The following SUGCT variants were observed in gnomAD, a reference collection of about 807,000 sequenced individuals.
The protein encoded by SUGCT is succinyl-CoA:glutarate-CoA transferase, also known as succinyl-CoA:glutarate CoA-transferase.
In SUGCT, 41 loss-of-function variants were observed where a neutral mutation model predicts 55.0. The ratio of observed to expected loss-of-function variants is 0.74; its 90% CI spans 0.58 to 0.97. The LOEUF is 0.97. SUGCT is among the 50% of genes least tolerant of loss of function. SUGCT has a pLI of 0.00. For missense variants in SUGCT, 568 were observed against 547.8 expected (o/e 1.04, Z -0.37); for synonymous variants, 187 against 200.4 (o/e 0.93, Z 0.56).
the SUGCT span, among the ~76,000 whole-genome samples, chr7:40,881,396 G>T: frequency 1.3e-5 from 2 of 151,884 alleles, no homozygotes; most frequent in Non-Finnish European, 2.9e-5. Flanking sequence ...TTCTTCTGGG[G>T]ACTCAATGAT....
chr7:40,166,639 C>G (rs1278571500), intron 1 of SUGCT, among the ~76,000 whole-genome samples: 3 of 152,158 alleles, frequency 2.0e-5, no homozygotes, highest in Admixed American at 6.5e-5. Flanking sequence ...GTAATCCCAG[C>G]ATTTTGGGAG....
intron 12 of SUGCT, among the ~76,000 whole-genome samples, chr7:40,591,285 A>T (rs1470769277): frequency 6.6e-6 from 1 of 152,218 alleles, no homozygotes; most frequent in East Asian, 1.9e-4. Flanking sequence ...TAGAGGAAGT[A>T]ACTGCAGATG....
chr7:40,768,921 G>A (rs773698953), intron 13 of SUGCT, among the ~76,000 whole-genome samples: 1 of 152,162 alleles, frequency 6.6e-6, no homozygotes, highest in Non-Finnish European at 1.5e-5. Context: ...CCTGCAGGGC[G>A]AGGCAGCTTG....
At chr7:40,280,960 G>A (rs1792912285) in intron 8 of SUGCT, among the ~76,000 whole-genome samples, 1 of 152,022 alleles carries the variant, frequency 6.6e-6, no homozygotes, top group South Asian at 2.1e-4. Flanking sequence ...TTAAAAGAAG[G>A]GGCCCATTAT....
intron 3 of SUGCT, among the ~76,000 whole-genome samples, chr7:40,185,634 T>C (rs1314896218): frequency 6.6e-6 from 1 of 152,208 alleles, no homozygotes; most frequent in Non-Finnish European, 1.5e-5. Context: ...ATGATTCTCC[T>C]GCCTCAGCTT....
At chr7:40,368,377 T>G (rs1040341080) in intron 9 of SUGCT, among the ~76,000 whole-genome samples, 3 of 152,014 alleles carry the variant, frequency 2.0e-5, no homozygotes, top group African/African-American at 7.2e-5. Flanking sequence ...TTTTGTATTT[T>G]TAGTAGAGAT....
chr7:40,737,031 A>G (rs1303859018), intron 12 of SUGCT, among the ~76,000 whole-genome samples: 1 of 152,168 alleles, frequency 6.6e-6, no homozygotes, highest in Non-Finnish European at 1.5e-5. Context: ...AGAAAACCAA[A>G]ATGCTGAACC....
chr7:40,768,429 C>T (rs1015783674), intron 13 of SUGCT, among the ~76,000 whole-genome samples: 6 of 152,118 alleles, frequency 3.9e-5, no homozygotes, highest in African/African-American at 1.2e-4. Context: ...TGTTTCAACT[C>T]GCCTTGGCCA....
chr7:40,235,802 T>C (rs926641227), intron 6 of SUGCT, among the ~76,000 whole-genome samples: 1 of 152,186 alleles, frequency 6.6e-6, no homozygotes, highest in Non-Finnish European at 1.5e-5. Context: ...GTATTGTGTT[T>C]CTATTGTGAT....
chr7:40,744,164 G>T (rs1296732325), intron 12 of SUGCT, among the ~76,000 whole-genome samples: 1 of 151,850 alleles, frequency 6.6e-6, no homozygotes, highest in African/African-American at 2.4e-5. Flanking sequence ...CTGAACTCAG[G>T]TGATCCACCT....
chr7:40,659,309 T>C (rs1441162779), intron 12 of SUGCT, among the ~76,000 whole-genome samples: 3 of 152,166 alleles, frequency 2.0e-5, no homozygotes, highest in Non-Finnish European at 4.4e-5. Context: ...GAAGGTTTTA[T>C]TGGGGCTGGA....
intron 9 of SUGCT, among the ~76,000 whole-genome samples, chr7:40,444,519 CTGTT>C (rs1440760068): frequency 4.6e-5 from 7 of 152,028 alleles, no homozygotes; most frequent in South Asian, 4.1e-4. Flanking sequence ...ATTTGGCTCT[CTGTT>C]TGTCTGTTAT....
chr7:40,295,463 C>G (rs558774454), intron 8 of SUGCT, among the ~76,000 whole-genome samples: 2 of 152,288 alleles, frequency 1.3e-5, no homozygotes, highest in East Asian at 3.9e-4. Context: ...GTAATCCTAG[C>G]TACTGGGGTA....
chr7:40,890,781 A>G, the SUGCT span, among the ~76,000 whole-genome samples: 2 of 152,150 alleles, frequency 1.3e-5, no homozygotes, highest in Non-Finnish European at 2.9e-5. Flanking sequence ...AAAACATAAC[A>G]CCAACAAAGG....
chr7:40,290,548 A>T (rs1026872002), intron 8 of SUGCT, among the ~76,000 whole-genome samples: 2 of 152,220 alleles, frequency 1.3e-5, no homozygotes, highest in African/African-American at 4.8e-5. Flanking sequence ...AAACCATAAA[A>T]ACCCTAGAAG....
intron 13 of SUGCT, chr7:40,785,171 T>C (rs1312604232): frequency 2.0e-5 from 3 of 152,184 alleles, no homozygotes; most frequent in Non-Finnish European, 4.4e-5. Context: ...ATATCAACCA[T>C]TTCTTCTATT....
intron 9 of SUGCT, among the ~76,000 whole-genome samples, chr7:40,381,024 T>G: frequency 6.6e-6 from 1 of 152,184 alleles, no homozygotes. Context: ...AATACTGAAA[T>G]AATACCATCA....
At chr7:40,364,782 C>A (rs1216026653) in intron 9 of SUGCT, among the ~76,000 whole-genome samples, 2 of 151,940 alleles carry the variant, frequency 1.3e-5, no homozygotes, top group African/African-American at 2.4e-5. Flanking sequence ...AGCTTACCAA[C>A]CAAAAAGAGT....
intron 9 of SUGCT, 82 bp downstream of exon 9, chr7:40,316,937 T>C (rs568255693): frequency 8.9e-5 from 41 of 460,350 alleles, no homozygotes; most frequent in African/African-American, 7.8e-4. Flanking sequence ...TTTCTTTTTA[T>C]ACACAAATCC....
Sources: allele counts gnomAD v4.1 joint callset (sites outside exome capture counted in the v4.1 genomes callset), GRCh38; gene constraint gnomAD v4.1.1; transcripts MANE v1.5; gene names NCBI Gene and HGNC (gene_info 2026-07-23, HGNC 2026-07-21).